ATP2C2: variants seen among roughly 807,000 people sequenced by gnomAD.
ATP2C2 encodes calcium-transporting ATPase type 2C member 2.
Under a neutral mutation model 110.8 loss-of-function variants are expected in ATP2C2, and 171 were observed. The observed-to-expected ratio is 1.54, with a 90% CI of 1.36 to 1.75. The LOEUF (loss-of-function observed/expected upper bound fraction) is 1.75. Ranked by LOEUF, ATP2C2 falls within the 40% of genes most tolerant of loss-of-function variation. The pLI, the probability that ATP2C2 is intolerant of heterozygous loss-of-function variation, is 0.00. For synonymous variants in ATP2C2, 804 were observed against 508.4 expected, an observed-to-expected ratio of 1.58 and a Z score of -7.82; for missense variants, 1,963 against 1,235.0, an observed-to-expected ratio of 1.59 and a Z score of -8.84.
At chr16:84,393,783 G>T (rs896933317) in intron 1 of ATP2C2, among the ~76,000 whole-genome samples, 3 of 151,920 alleles carry the variant, frequency 2.0e-5, no homozygotes, top group African/African-American at 4.8e-5. Flanking sequence ...ACCGACACAG[G>T]TGGGACCCAG....
chr16:84,386,562 A>G (rs1194420871), intron 1 of ATP2C2, among the ~76,000 whole-genome samples: 2 of 152,170 alleles, frequency 1.3e-5, no homozygotes. Context: ...TCATGCTCCA[A>G]GTATCTCACT....
intron 11 of ATP2C2, among the ~76,000 whole-genome samples, chr16:84,432,289 T>G (rs1908348464): frequency 6.6e-6 from 1 of 152,156 alleles, no homozygotes. Context: ...AAATTTTTCT[T>G]TAAGTTCTAG....
chr16:84,415,630 G>A (rs768931958), intron 7 of ATP2C2, 39 bp downstream of exon 7: 12 of 1,539,764 alleles, frequency 7.8e-6, no homozygotes, highest in South Asian at 1.2e-5. Context: ...GGTATTTGAT[G>A]GAGCTGGTCA....
intron 6 of ATP2C2, among the ~76,000 whole-genome samples, chr16:84,413,098 C>CA (rs35993245): frequency 0.043 from 5,621 of 129,908 alleles, 308 homozygotes; most frequent in African/African-American, 0.14. Flanking sequence ...AACTCTGTCT[C>CA]AAAAAAAAAA....
intron 16 of ATP2C2, among the ~76,000 whole-genome samples, chr16:84,447,045 T>G (rs1166863512): frequency 5.9e-5 from 9 of 152,166 alleles, no homozygotes; most frequent in African/African-American, 1.9e-4. Flanking sequence ...TACAGCTGAT[T>G]TTTAAAATTT....
At position 84,460,772 on chromosome 16, in the gene ATP2C2, A is replaced by G. The variant is rs777473870; in HGVS notation, c.2452A>G (p.Ser818Gly). ...KILMSAAIII[S>G]GTLFIFWKEM... The stretch of plus-strand genomic sequence containing the variant: ...CCTCATGTCCGCGGCCATCATCATC[A>G]GCGGGACCCTCTTTATCTTCTGGAA... Residue 818 changes from serine (S) to glycine (G), a missense_variant, in exon 24 of 27, where the codon AGC becomes GGC. Physicochemically the swap from Ser to Gly is moderately conservative, Grantham distance 56 (BLOSUM62 0). Coordinates refer to ENST00000262429, the MANE Select transcript of ATP2C2 (RefSeq NM_014861.4). 6.2e-7 allele frequency: 1 copy of G among 1,613,862 alleles called. No individual in the cohort carries two copies. Among genetic ancestry groups the G allele is most frequent in the South Asian group, 1.1e-5 (1 of 91,076 alleles).
In ATP2C2 at chr16:84,406,437, T is replaced by C. The variant is rs192196636; in HGVS notation, c.327+1193T>C. Among the ~76,000 whole-genome samples the C allele has an allele frequency of 1.1e-3, 162 of 152,330 alleles. 2 individuals are homozygous for C. Among genetic ancestry groups the C allele is most frequent in the Admixed American group, 0.011 (161 of 15,308 alleles). ...CCCTGACATCCCCTTCTTCATTCTCTGGCCCCTGGGCTGCCCCAGGCTTCA... is the reference window on the plus strand; with the variant it reads ...CCCTGACATCCCCTTCTTCATTCTCCGGCCCCTGGGCTGCCCCAGGCTTCA... On this transcript the variant is annotated intron_variant, in intron 3 of 26. Transcript: ENST00000262429.
At chr16:84,405,886 C>T (rs1392157721) in intron 3 of ATP2C2, among the ~76,000 whole-genome samples, 1 of 152,188 alleles carries the variant, frequency 6.6e-6, no homozygotes, top group Non-Finnish European at 1.5e-5. Flanking sequence ...TGCCACTGTG[C>T]TCCAGCCTGG....
chr16:84,417,037 G>A (rs1480828670), intron 7 of ATP2C2, among the ~76,000 whole-genome samples: 2 of 152,182 alleles, frequency 1.3e-5, no homozygotes, highest in African/African-American at 2.4e-5. Context: ...AATGACCTGG[G>A]GTTGGGCATT....
At chr16:84,422,904 A>G (rs934415658) in intron 9 of ATP2C2, among the ~76,000 whole-genome samples, 9 of 152,032 alleles carry the variant, frequency 5.9e-5, no homozygotes, top group Admixed American at 1.3e-4. Context: ...AGCTCAAGCA[A>G]TCTGTCTGCC....
chr16:84,413,756 C>G (rs571974278), intron 6 of ATP2C2, among the ~76,000 whole-genome samples: 1 of 152,198 alleles, frequency 6.6e-6, no homozygotes, highest in South Asian at 2.1e-4. Context: ...GTCTCTGAGA[C>G]CCATTTCCAA....
intron 1 of ATP2C2, among the ~76,000 whole-genome samples, chr16:84,370,676 T>TC (rs1909901502): frequency 2.3e-5 from 1 of 43,872 alleles, no homozygotes; most frequent in Non-Finnish European, 3.9e-5. Flanking sequence ...TGGAATTGTC[T>TC]TTTTTTTTTT....
At chr16:84,399,761 C>G (rs1905208373) in intron 2 of ATP2C2, among the ~76,000 whole-genome samples, 1 of 152,176 alleles carries the variant, frequency 6.6e-6, no homozygotes, top group Non-Finnish European at 1.5e-5. Context: ...CTTTGTGTTA[C>G]AAGTCATCCA....
chr16:84,418,079 G>C (rs945222583), intron 7 of ATP2C2, among the ~76,000 whole-genome samples: 4 of 152,186 alleles, frequency 2.6e-5, no homozygotes, highest in African/African-American at 9.7e-5. Context: ...AGCTGGTACA[G>C]CCAGCAAGCC....
intron 11 of ATP2C2, among the ~76,000 whole-genome samples, chr16:84,426,640 G>C (rs1907838037): frequency 1.3e-5 from 2 of 152,104 alleles, no homozygotes. Context: ...TAGGGCGACT[G>C]TCTGGATTAA....
intron 11 of ATP2C2, among the ~76,000 whole-genome samples, chr16:84,431,464 C>A (rs917214503): frequency 2.0e-4 from 30 of 152,016 alleles, no homozygotes; most frequent in African/African-American, 7.3e-4. Context: ...CCACTGCACC[C>A]CAACCTGGGC....
chr16:84,395,761 A>C (rs1158927355), intron 1 of ATP2C2, among the ~76,000 whole-genome samples: 1 of 151,294 alleles, frequency 6.6e-6, no homozygotes, highest in Non-Finnish European at 1.5e-5. Flanking sequence ...CAGCTTCCCA[A>C]AGTGCTGGGA....
In ATP2C2 at chr16:84,410,614, C is replaced by T. The variant is rs370448992; in HGVS notation, c.453+11C>T. 11 of 1,613,974 alleles carry T rather than the reference C, an allele frequency of 6.8e-6. No individual in the cohort carries two copies. Among genetic ancestry groups the T allele is most frequent in the East Asian group, 2.2e-5 (1 of 44,890 alleles). On this transcript the variant is annotated intron_variant, in intron 5 of 26. Coordinates refer to ENST00000262429, the MANE Select transcript of ATP2C2 (RefSeq NM_014861.4). ...GTCGCCTTCATCCAGGTGAGTATTT[C>T]CTGAGGTCCCAGTCAGGGTAAGCTG... is the stretch of plus-strand genomic sequence containing the variant.
In ATP2C2 at chr16:84,408,402, C is replaced by T; in HGVS notation, c.328-3C>T. 1 of 1,613,540 alleles carries T rather than the reference C, an allele frequency of 6.2e-7. No individual in the cohort carries two copies. The highest frequency in any genetic ancestry group is 1.3e-5 in the African/African-American group (1 of 74,992). ...GTGCCCCACCCTGTTATTTCCTCTT[C>T]AGTTTAAGAACCCCCTGATCCTGCT... On this transcript the variant is annotated splice_region_variant and splice_polypyrimidine_tract_variant and intron_variant, in intron 3 of 26. Transcript: ENST00000262429.
Sources: gnomAD v4.1 joint callset for allele counts (sites outside exome capture counted in the v4.1 genomes callset) on GRCh38, gnomAD v4.1.1 for gene constraint, MANE v1.5 for transcripts, NCBI Gene and HGNC (gene_info 2026-07-23, HGNC 2026-07-21) for gene names.